Variants in CDH8 observed in about 807,000 individuals in gnomAD.
The protein encoded by CDH8 is cadherin 8.
A neutral mutation model predicts 68.1 loss-of-function variants in CDH8; 17 were observed. The observed-to-expected ratio is 0.25, with a 90% CI of 0.17 to 0.37. The LOEUF is 0.37. Among genes scored for constraint, CDH8 ranks in the 10% least tolerant of loss-of-function variants. The probability of loss-of-function intolerance (pLI) is 1.00; values close to 1 mark genes in which losing one functional copy is unlikely to be tolerated. For missense variants in CDH8, 763 were observed against 999.3 expected, an observed-to-expected ratio of 0.76 and a Z score of 3.19; for synonymous variants, 372 against 365.1, an observed-to-expected ratio of 1.02 and a Z score of -0.21.
At chr16:61,914,410 T>C (rs1964205365) in intron 2 of CDH8, among the ~76,000 whole-genome samples, 1 of 152,190 alleles carries the variant, frequency 6.6e-6, no homozygotes, top group Admixed American at 6.5e-5. Flanking sequence ...ATAGTATCCA[T>C]TCCCTAATTC....
intron 2 of CDH8, among the ~76,000 whole-genome samples, chr16:61,964,442 T>C (rs962028672): frequency 1.3e-5 from 2 of 151,828 alleles, no homozygotes; most frequent in South Asian, 2.1e-4. Context: ...AACAATCATA[T>C]CGTTGGGATG....
At position 61,653,228 on chromosome 16, in the gene CDH8, G is replaced by T; in HGVS notation, c.*380C>A. On this transcript the variant is annotated 3_prime_UTR_variant, in exon 12 of 12. Transcript: ENST00000577390. The stretch of plus-strand genomic sequence containing the variant: ...TCCTTGCAGAAGACACATATCAGCA[G>T]CAGATTCCTTGCAGGTCCGTATTTT... 8.4e-7 allele frequency: 1 copy of T among 1,192,844 alleles called. No individual in the cohort carries two copies. The allele number at this position is 1,192,844 out of a possible 1,614,324, so 73.9% of individuals were successfully genotyped here. A position where few individuals can be genotyped will look rare whatever the true frequency, so the allele number is the denominator to read the frequency against.
In CDH8 at chr16:61,953,643, C is replaced by T. The variant is rs187011977; in HGVS notation, c.253-52170G>A. On this transcript the variant is annotated intron_variant, in intron 2 of 11. Transcript: ENST00000577390. ...AGCACTTTGGAAGGCAGAGGTGGGACGATTGCTTGAGCCCAGGAATTCGAG... is the reference window on the plus strand; with the variant it reads ...AGCACTTTGGAAGGCAGAGGTGGGATGATTGCTTGAGCCCAGGAATTCGAG... Among the ~76,000 whole-genome samples, 10 of 150,948 alleles carry T rather than the reference C, an allele frequency of 6.6e-5. 1 individual carries two copies. The East Asian group carries it at 1.2e-3, about 18-fold the overall frequency.
intron 1 of CDH8, chr16:62,031,892 T>C (rs894242485): frequency 1.3e-5 from 2 of 152,206 alleles, no homozygotes; most frequent in Non-Finnish European, 2.9e-5. Flanking sequence ...CTTGAACTTA[T>C]TTCTTTTCTG....
chr16:62,015,713 A>T (rs1323581788), intron 2 of CDH8, among the ~76,000 whole-genome samples: 1 of 152,090 alleles, frequency 6.6e-6, no homozygotes, highest in African/African-American at 2.4e-5. Flanking sequence ...GGGTCTATTG[A>T]AAGGTAATTT....
intron 4 of CDH8, among the ~76,000 whole-genome samples, chr16:61,831,320 A>AG (rs1370456225): frequency 6.6e-6 from 1 of 151,800 alleles, no homozygotes; most frequent in African/African-American, 2.4e-5. Context: ...AAGAATTACA[A>AG]GGAAAAGGAG....
At chr16:61,912,268 T>C (rs1208298336) in intron 2 of CDH8, among the ~76,000 whole-genome samples, 1 of 152,098 alleles carries the variant, frequency 6.6e-6, no homozygotes, top group Admixed American at 6.5e-5. Context: ...ATTTGGGCCA[T>C]AAAATAGGAG....
chr16:61,843,917 T>C (rs1034989912), intron 4 of CDH8, among the ~76,000 whole-genome samples: 7 of 152,094 alleles, frequency 4.6e-5, no homozygotes, highest in Non-Finnish European at 8.8e-5. Flanking sequence ...TTTTTAATGA[T>C]TGCCATTCTA....
At chr16:61,672,989 A>G (rs372950282) in intron 10 of CDH8, among the ~76,000 whole-genome samples, 2 of 152,112 alleles carry the variant, frequency 1.3e-5, no homozygotes, top group Admixed American at 6.6e-5. Flanking sequence ...TACATCACCA[A>G]AGAAAATGCC....
At chr16:61,891,456 A>C (rs899846792) in intron 3 of CDH8, among the ~76,000 whole-genome samples, 26 of 152,280 alleles carry the variant, frequency 1.7e-4, no homozygotes, top group African/African-American at 6.0e-4. Context: ...AACTGTAACC[A>C]ATTTCCCCGT....
intron 10 of CDH8, among the ~76,000 whole-genome samples, chr16:61,699,540 T>A (rs1348847655): frequency 6.6e-6 from 1 of 152,150 alleles, no homozygotes; most frequent in Non-Finnish European, 1.5e-5. Context: ...CATAACATAG[T>A]CTTTTCACTC....
At chr16:61,849,284 A>G (rs972833432) in intron 4 of CDH8, among the ~76,000 whole-genome samples, 1 of 151,932 alleles carries the variant, frequency 6.6e-6, no homozygotes, top group Non-Finnish European at 1.5e-5. Context: ...TTCTTACTCC[A>G]AAAATGTGGA....
At chr16:61,656,169 G>A (rs912702265) in intron 10 of CDH8, among the ~76,000 whole-genome samples, 1 of 152,142 alleles carries the variant, frequency 6.6e-6, no homozygotes, top group Non-Finnish European at 1.5e-5. Flanking sequence ...ACTGCGCCCG[G>A]CCTGCGCTTT....
At chr16:61,886,724 C>A (rs114534062) in intron 3 of CDH8, among the ~76,000 whole-genome samples, 77 of 152,274 alleles carry the variant, frequency 5.1e-4, no homozygotes, top group African/African-American at 1.8e-3. Context: ...AATAAAGGAT[C>A]ATGCTTGCCT....
intron 10 of CDH8, chr16:61,693,834 AC>A (rs1299684635): frequency 3.3e-5 from 5 of 152,242 alleles, no homozygotes; most frequent in African/African-American, 1.2e-4. Flanking sequence ...AACAGCAGCT[AC>A]TATATATGGA....
At chr16:62,020,075 T>C (rs933823869) in intron 2 of CDH8, among the ~76,000 whole-genome samples, 1 of 152,188 alleles carries the variant, frequency 6.6e-6, no homozygotes, top group African/African-American at 2.4e-5. Flanking sequence ...AGAAACATAG[T>C]CCTTGGGGAG....
rs527872989 is a variant in CDH8 at position 61,653,354 on chromosome 16, T to A, written c.*254A>T. 2.1e-5 allele frequency: 26 copies of A among 1,247,838 alleles called. No individual in the cohort carries two copies. In the South Asian group the frequency reaches 6.1e-4, roughly 29 times the overall value. The allele number at this position is 1,247,838 out of a possible 1,614,324, so 77.3% of individuals were successfully genotyped here. A position where few individuals can be genotyped will look rare whatever the true frequency, so the allele number is the denominator to read the frequency against. On this transcript the variant is annotated 3_prime_UTR_variant, in exon 12 of 12. Transcript: ENST00000577390. ...CCAATCTTTGTCTGTGGTGGTCAGG[T>A]AAATATCAAATATCCAAGGACTTCT...
At chr16:62,011,912 A>G (rs902845165) in intron 2 of CDH8, among the ~76,000 whole-genome samples, 3 of 152,242 alleles carry the variant, frequency 2.0e-5, no homozygotes, top group Admixed American at 2.0e-4. Context: ...TTAACTGAGT[A>G]TTCCGATTTT....
intron 2 of CDH8, among the ~76,000 whole-genome samples, chr16:61,907,457 T>C (rs1240105840): frequency 2.0e-5 from 3 of 151,942 alleles, no homozygotes; most frequent in Non-Finnish European, 4.4e-5. Context: ...GGTGGGCAGA[T>C]TGCTTGAGCC....
Sources: allele counts gnomAD v4.1 joint callset (sites outside exome capture counted in the v4.1 genomes callset), GRCh38; gene constraint gnomAD v4.1.1; transcripts MANE v1.5; gene names NCBI Gene and HGNC (gene_info 2026-07-23, HGNC 2026-07-21).